The following CADM2 variants were observed in gnomAD, a reference collection of about 807,000 sequenced individuals.
The protein encoded by CADM2 is immunoglobulin superfamily member 4D.
In CADM2, 12 loss-of-function variants were observed where a neutral mutation model predicts 49.8. The ratio of observed to expected loss-of-function variants is 0.24; its 90% CI spans 0.15 to 0.39. The LOEUF (loss-of-function observed/expected upper bound fraction) is 0.39, where lower values mean the gene tolerates loss of function less well. Among genes scored for constraint, CADM2 ranks in the 10% least tolerant of loss-of-function variants. The pLI, the probability that CADM2 is intolerant of heterozygous loss-of-function variation, is 1.00. For synonymous variants in CADM2, 214 were observed against 175.4 expected, an observed-to-expected ratio of 1.22 and a Z score of -1.74; for missense variants, 378 against 492.3, an observed-to-expected ratio of 0.77 and a Z score of 2.20.
At chr3:85,801,090 AC>A (rs2071998972) in intron 2 of CADM2, 1 of 152,188 alleles carries the variant, frequency 6.6e-6, no homozygotes, top group Non-Finnish European at 1.5e-5. Flanking sequence ...AGTCATTCTT[AC>A]CCATGTTAAT....
At chr3:84,966,529 A>G (rs1178794352) in intron 1 of CADM2, among the ~76,000 whole-genome samples, 1 of 151,952 alleles carries the variant, frequency 6.6e-6, no homozygotes, top group East Asian at 1.9e-4. Flanking sequence ...AGACTTCCAC[A>G]AAAAAACACA....
rs137972294 is a variant in CADM2, at chr3:85,245,688, T to A, written c.61+286020T>A. On this transcript the variant is annotated intron_variant, in intron 1 of 9. Coordinates refer to ENST00000383699, the MANE Select transcript of CADM2 (RefSeq NM_001167675.2). ...TCCTTGCTGTCAGTCACTTCTTACTTACTCTTTCTTATTTCTACCTTCCCT... is the reference window on the plus strand; with the variant it reads ...TCCTTGCTGTCAGTCACTTCTTACTAACTCTTTCTTATTTCTACCTTCCCT... Among the ~76,000 whole-genome samples the A allele has an allele frequency of 6.2e-4, 94 of 152,258 alleles. 1 individual carries two copies. The highest frequency in any genetic ancestry group is 3.4e-3 in the Middle Eastern group (1 of 294).
intron 1 of CADM2, among the ~76,000 whole-genome samples, chr3:85,025,182 A>G (rs2034672795): frequency 6.6e-6 from 1 of 152,174 alleles, no homozygotes; most frequent in Non-Finnish European, 1.5e-5. Context: ...ATTTATGTCA[A>G]AATGAAATAA....
intron 1 of CADM2, chr3:85,385,673 A>G (rs535361149): frequency 3.3e-5 from 5 of 151,964 alleles, no homozygotes; most frequent in Non-Finnish European, 7.4e-5. Context: ...ATTATGTTCA[A>G]CATTGATTTT....
chr3:85,628,467 A>G (rs1437209015), intron 1 of CADM2, among the ~76,000 whole-genome samples: 1 of 150,672 alleles, frequency 6.6e-6, no homozygotes, highest in African/African-American at 2.4e-5. Flanking sequence ...TTTAATATGG[A>G]GGGATTTTTA....
At chr3:85,469,430 A>G (rs2875907) in intron 1 of CADM2, among the ~76,000 whole-genome samples, 90,369 of 151,930 alleles carry the variant, frequency 0.59, 28,309 homozygotes, top group East Asian at 0.92. Flanking sequence ...GTGTGGACAG[A>G]CACGCCATGC....
chr3:85,061,452 A>G (rs959988884), intron 1 of CADM2, among the ~76,000 whole-genome samples: 1 of 152,168 alleles, frequency 6.6e-6, no homozygotes, highest in African/African-American at 2.4e-5. Flanking sequence ...ATATAGTTTT[A>G]CGTAACATTT....
Position 85,894,559 on chromosome 3 carries a change from G to C in CADM2, c.529+8232G>C, listed in dbSNP as rs566439294. On this transcript the variant is annotated intron_variant, in intron 5 of 9. Coordinates refer to ENST00000383699, the MANE Select transcript of CADM2 (RefSeq NM_001167675.2). ...CTGCAAAAATGTGCATAAGTAATTA[G>C]GAGCCAAATGTTAATCACCAAGACA... is the stretch of plus-strand genomic sequence containing the variant. 2.0e-5 allele frequency among the ~76,000 whole-genome samples: 3 copies of C among 152,240 alleles called. No individual in the cohort carries two copies. The East Asian group carries it at 5.8e-4, about 29-fold the overall frequency.
Position 85,526,220 on chromosome 3 carries a change from A to C in CADM2, c.62-200302A>C, listed in dbSNP as rs191538430. On this transcript the variant is annotated intron_variant, in intron 1 of 9. Transcript: ENST00000383699. ...CACTGTCCTTTATTTCCTTACAACA[A>C]GTGTTTTGAAAGCTGGCATTTCATA... 1.1e-3 allele frequency among the ~76,000 whole-genome samples: 167 copies of C among 152,172 alleles called. 1 individual carries two copies. Among genetic ancestry groups the C allele is most frequent in the African/African-American group, 3.8e-3 (159 of 41,522 alleles).
chr3:85,280,964 G>A lies in CADM2; in HGVS notation c.61+321296G>A, dbSNP rs77841155. 3.0e-3 allele frequency among the ~76,000 whole-genome samples: 457 copies of A among 151,766 alleles called. 5 individuals carry two copies. Among genetic ancestry groups the A allele is most frequent in the African/African-American group, 9.8e-3 (407 of 41,496 alleles). ...AGAATTGCAAGAAAGAAAATGATAC[G>A]TGACACAAAGTACTCTATTGTAGAT... On this transcript the variant is annotated intron_variant, in intron 1 of 9. Transcript: ENST00000383699.
At chr3:85,376,127 G>T (rs1264448735) in intron 1 of CADM2, among the ~76,000 whole-genome samples, 1 of 152,002 alleles carries the variant, frequency 6.6e-6, no homozygotes, top group Non-Finnish European at 1.5e-5. Context: ...TTGGACTCTA[G>T]ATCCTCTAAA....
chr3:85,749,525 G>A (rs918632549), intron 2 of CADM2, among the ~76,000 whole-genome samples: 5 of 151,846 alleles, frequency 3.3e-5, no homozygotes, highest in African/African-American at 1.2e-4. Flanking sequence ...AAGATTACTT[G>A]CTCTAAATTG....
chr3:85,052,071 T>TA (rs2035902034), intron 1 of CADM2, among the ~76,000 whole-genome samples: 1 of 152,114 alleles, frequency 6.6e-6, no homozygotes, highest in South Asian at 2.1e-4. Flanking sequence ...CATCTGAATA[T>TA]AAAATCTAGA....
At position 85,486,045 on chromosome 3, in the gene CADM2, C is replaced by G. The variant is rs573166653; in HGVS notation, c.62-240477C>G. 2.0e-4 allele frequency among the ~76,000 whole-genome samples: 31 copies of G among 152,144 alleles called. 1 individual carries two copies. The highest frequency in any genetic ancestry group is 1.8e-3 in the Admixed American group (28 of 15,242). On this transcript the variant is annotated intron_variant, in intron 1 of 9. Coordinates refer to ENST00000383699, the MANE Select transcript of CADM2 (RefSeq NM_001167675.2). ...CGAGTAGCAGAGGAGAAAATGATGA[C>G]GTTGAGGTCACAGCAGGAAACTTAT...
chr3:85,604,282 A>G (rs2107414564), intron 1 of CADM2, among the ~76,000 whole-genome samples: 1 of 152,022 alleles, frequency 6.6e-6, no homozygotes, highest in South Asian at 2.1e-4. Context: ...GAGATCAGTA[A>G]CGTGACTATC....
intron 8 of CADM2, chr3:85,992,867 TA>T (rs1467137053): frequency 6.6e-6 from 1 of 152,196 alleles, no homozygotes; most frequent in African/African-American, 2.4e-5. Flanking sequence ...AAAACAACAA[TA>T]AGGTTTGACA....
At chr3:85,108,018 C>T (rs954652803) in intron 1 of CADM2, among the ~76,000 whole-genome samples, 1 of 152,000 alleles carries the variant, frequency 6.6e-6, no homozygotes, top group Admixed American at 6.6e-5. Flanking sequence ...ATGACTATTT[C>T]TTTAAAAGTT....
chr3:85,794,522 G>A (rs1478210020), intron 2 of CADM2, among the ~76,000 whole-genome samples: 2 of 152,112 alleles, frequency 1.3e-5, no homozygotes, highest in African/African-American at 4.8e-5. Flanking sequence ...AGAAGGAGAG[G>A]AAGAAAATAA....
At chr3:85,236,049 T>C (rs930553723) in intron 1 of CADM2, among the ~76,000 whole-genome samples, 4 of 152,084 alleles carry the variant, frequency 2.6e-5, no homozygotes, top group Non-Finnish European at 4.4e-5. Flanking sequence ...GGAAAGGTTC[T>C]GTTATGCCGC....
Sources: allele counts gnomAD v4.1 joint callset (sites outside exome capture counted in the v4.1 genomes callset), GRCh38; gene constraint gnomAD v4.1.1; transcripts MANE v1.5; gene names NCBI Gene and HGNC (gene_info 2026-07-23, HGNC 2026-07-21).